The following PCDHA13 variants were observed in gnomAD, a reference collection of about 807,000 sequenced individuals.
PCDHA13 encodes the protein protocadherin alpha 13.
In PCDHA13, 54 loss-of-function variants were observed where a neutral mutation model predicts 64.8. The observed-to-expected ratio is 0.83, with a 90% CI of 0.67 to 1.04. The LOEUF is 1.04. PCDHA13 is among the 50% of genes least tolerant of loss of function. The probability of loss-of-function intolerance (pLI) is 0.00; values close to 1 mark genes in which losing one functional copy is unlikely to be tolerated. For missense variants in PCDHA13, 1,248 were observed against 1,254.3 expected, an observed-to-expected ratio of 0.99 and a Z score of 0.08; for synonymous variants, 587 against 564.4, an observed-to-expected ratio of 1.04 and a Z score of -0.57.
At chr5:140,960,483 T>G (rs1554224788) in intron 1 of PCDHA13, among the ~76,000 whole-genome samples, 1 of 151,978 alleles carries the variant, frequency 6.6e-6, no homozygotes, top group Non-Finnish European at 1.5e-5. Flanking sequence ...TACACAGAGG[T>G]GTAGGTTTGT....
At position 140,882,292 on chromosome 5, in the gene PCDHA13, C is replaced by G. The variant is rs2059050033; in HGVS notation, c.24C>G (p.Gly8=). The part of the protein sequence containing the change: MLSSWQG[G]PRPRQLLLWL... The stretch of plus-strand genomic sequence containing the variant: ...CCATGCTGTCTTCCTGGCAAGGAGG[C>G]CCAAGACCGCGGCAACTACTGCTCT... The change falls in exon 1 of 4, where the codon GGC becomes GGG. Residue 8 remains glycine (G), a synonymous_variant. Coordinates refer to ENST00000289272, the MANE Select transcript of PCDHA13 (RefSeq NM_018904.3). The G allele has an allele frequency of 1.2e-6, 2 of 1,613,422 alleles. No homozygotes were observed. The highest frequency in any genetic ancestry group is 1.3e-5 in the African/African-American group (1 of 74,920).
At chr5:140,937,238 C>T (rs1339814732) in intron 1 of PCDHA13, among the ~76,000 whole-genome samples, 1 of 151,920 alleles carries the variant, frequency 6.6e-6, no homozygotes, top group Admixed American at 6.6e-5. Flanking sequence ...GGGGTTTCAC[C>T]GTGTTAGCCA....
chr5:140,892,180 T>G (rs1176959692), intron 1 of PCDHA13, among the ~76,000 whole-genome samples: 1 of 152,224 alleles, frequency 6.6e-6, no homozygotes, highest in Non-Finnish European at 1.5e-5. Flanking sequence ...GGGATCCTCA[T>G]GGGTCTATTC....
chr5:140,967,018 G>T, intron 1 of PCDHA13: 1 of 1,607,168 alleles, frequency 6.2e-7, no homozygotes, highest in Non-Finnish European at 8.5e-7. Context: ...ATCTGGGTGC[G>T]CCCAGTCCGC....
At chr5:140,904,725 C>A (rs1554191671) in intron 1 of PCDHA13, among the ~76,000 whole-genome samples, 1 of 152,050 alleles carries the variant, frequency 6.6e-6, no homozygotes, top group Non-Finnish European at 1.5e-5. Context: ...TGGCCAACAT[C>A]TATTATTTTT....
At chr5:140,934,660 C>T (rs139449604) in intron 1 of PCDHA13, among the ~76,000 whole-genome samples, 2 of 152,152 alleles carry the variant, frequency 1.3e-5, no homozygotes, top group African/African-American at 2.4e-5. Flanking sequence ...TGATTCTTCC[C>T]CTTTGTTTAG....
At chr5:140,983,513 C>G (rs893446292) in intron 3 of PCDHA13, among the ~76,000 whole-genome samples, 1 of 152,196 alleles carries the variant, frequency 6.6e-6, no homozygotes, top group South Asian at 2.1e-4. Flanking sequence ...TGCCTAGACA[C>G]TGTGCCAAGT....
intron 1 of PCDHA13, among the ~76,000 whole-genome samples, chr5:140,894,053 T>C (rs782239740): frequency 2.4e-4 from 37 of 152,336 alleles, no homozygotes; most frequent in Non-Finnish European, 5.1e-4. Context: ...CTCTGTTGAA[T>C]TGATTTTTAA....
intron 1 of PCDHA13, among the ~76,000 whole-genome samples, chr5:140,941,206 T>TCTTCCTTC (rs201128549): frequency 1.0e-4 from 10 of 95,674 alleles, no homozygotes; most frequent in African/African-American, 3.6e-4. Flanking sequence ...TTTCTTCCTT[T>TCTTCCTTC]CTTTCTTCCT....
intron 1 of PCDHA13, among the ~76,000 whole-genome samples, chr5:140,972,921 C>A (rs2096564401): frequency 6.6e-6 from 1 of 152,090 alleles, no homozygotes; most frequent in Non-Finnish European, 1.5e-5. Context: ...CTTGGCCTCC[C>A]AAAGTGCTGG....
intron 1 of PCDHA13, among the ~76,000 whole-genome samples, chr5:140,894,318 T>C (rs1403062288): frequency 1.3e-5 from 2 of 152,086 alleles, no homozygotes; most frequent in Non-Finnish European, 2.9e-5. Context: ...TCTTAAATTA[T>C]AGATTTTAGT....
At chr5:140,966,794 G>T in intron 1 of PCDHA13, 1 of 1,533,558 alleles carries the variant, frequency 6.5e-7, no homozygotes. Context: ...CAGACCTGCG[G>T]CGACAGAGCA....
chr5:140,999,574 A>G (rs2097863527), intron 3 of PCDHA13, among the ~76,000 whole-genome samples: 1 of 152,170 alleles, frequency 6.6e-6, no homozygotes, highest in South Asian at 2.1e-4. Context: ...AAGAGACTAT[A>G]AAGGGAAATT....
intron 1 of PCDHA13, among the ~76,000 whole-genome samples, chr5:140,908,325 T>C (rs189387427): frequency 6.6e-6 from 1 of 152,172 alleles, no homozygotes; most frequent in African/African-American, 2.4e-5. Flanking sequence ...GTGGAGACCA[T>C]GGGAATTTGA....
chr5:140,926,141 A>T (rs2082938262), intron 1 of PCDHA13, among the ~76,000 whole-genome samples: 1 of 152,038 alleles, frequency 6.6e-6, no homozygotes, highest in Non-Finnish European at 1.5e-5. Context: ...AGCAGGATCC[A>T]GCGCGGAAAG....
intron 1 of PCDHA13, among the ~76,000 whole-genome samples, chr5:140,895,220 A>C (rs1044682871): frequency 6.6e-6 from 1 of 152,158 alleles, no homozygotes; most frequent in Non-Finnish European, 1.5e-5. Context: ...CTAATATTTT[A>C]CTGAGTTTTC....
At chr5:140,966,707 A>T in intron 1 of PCDHA13, 2 of 1,379,868 alleles carry the variant, frequency 1.4e-6, no homozygotes, top group Non-Finnish European at 9.3e-7. Flanking sequence ...GGCGTGGGGC[A>T]CGGCTGGGGA....
At chr5:140,984,177 A>G (rs1337365733) in intron 3 of PCDHA13, among the ~76,000 whole-genome samples, 3 of 152,190 alleles carry the variant, frequency 2.0e-5, no homozygotes, top group Non-Finnish European at 4.4e-5. Context: ...AAGCCACGTG[A>G]AATCATGACT....
At chr5:140,968,463 A>G (rs1012242019) in intron 1 of PCDHA13, 6 of 1,613,994 alleles carry the variant, frequency 3.7e-6, no homozygotes, top group Middle Eastern at 1.6e-4. Context: ...GTGACTGCCA[A>G]CGTATATGTG....
Sources: gnomAD v4.1 joint callset for allele counts (sites outside exome capture counted in the v4.1 genomes callset) on GRCh38, gnomAD v4.1.1 for gene constraint, MANE v1.5 for transcripts, NCBI Gene and HGNC (gene_info 2026-07-23, HGNC 2026-07-21) for gene names.